USP10: variants seen among roughly 807,000 people sequenced by gnomAD.
The protein encoded by USP10 is ubiquitin carboxyl-terminal hydrolase 10.
A neutral mutation model predicts 84.5 loss-of-function variants in USP10; 22 were observed. That is an observed-to-expected ratio of 0.26 (90% confidence interval 0.19 to 0.37). The LOEUF (loss-of-function observed/expected upper bound fraction) is 0.37, where lower values mean the gene tolerates loss of function less well. USP10 is among the 10% of genes least tolerant of loss of function. USP10 has a pLI of 1.00. For missense variants in USP10, 1,019 were observed against 998.9 expected (o/e 1.02, Z -0.27); for synonymous variants, 454 against 387.6 (o/e 1.17, Z -2.01).
chr16:84,750,419 A>G (rs1911788064), intron 4 of USP10, among the ~76,000 whole-genome samples: 1 of 151,662 alleles, frequency 6.6e-6, no homozygotes, highest in Admixed American at 6.6e-5. Flanking sequence ...AAAAAAAAAA[A>G]AACCCAAAAC....
chr16:84,758,217 C>T (rs1179695700), intron 4 of USP10, among the ~76,000 whole-genome samples: 3 of 152,208 alleles, frequency 2.0e-5, no homozygotes, highest in Non-Finnish European at 4.4e-5. Context: ...TTTTTACTCA[C>T]TGAACAGCCA....
chr16:84,756,204 C>T, intron 4 of USP10, among the ~76,000 whole-genome samples: 1 of 152,048 alleles, frequency 6.6e-6, no homozygotes, highest in East Asian at 1.9e-4. Flanking sequence ...TAGGGCAGGA[C>T]CACCTTGCAT....
chr16:84,755,219 G>T (rs1438945376), intron 4 of USP10, among the ~76,000 whole-genome samples: 1 of 151,536 alleles, frequency 6.6e-6, no homozygotes, highest in Non-Finnish European at 1.5e-5. Context: ...GAATGAACAT[G>T]TTCAAGCCCC....
chr16:84,763,915 G>A (rs1044545330), intron 9 of USP10, among the ~76,000 whole-genome samples, 171 bp from the exon 10 acceptor site: 2 of 151,480 alleles, frequency 1.3e-5, no homozygotes, highest in Non-Finnish European at 2.9e-5. Context: ...TGCCTGTTGC[G>A]ATTGGCCGTG....
intron 1 of USP10, among the ~76,000 whole-genome samples, chr16:84,711,407 G>C (rs1310619111): frequency 6.6e-6 from 1 of 152,174 alleles, no homozygotes; most frequent in African/African-American, 2.4e-5. Flanking sequence ...TGATGTCCCA[G>C]AGAACTGGAA....
intron 10 of USP10, among the ~76,000 whole-genome samples, chr16:84,765,459 T>C (rs1913747336): frequency 6.7e-6 from 1 of 150,106 alleles, no homozygotes; most frequent in Non-Finnish European, 1.5e-5. Flanking sequence ...CTCTTTTCCC[T>C]ATCTCTGTAG....
chr16:84,733,416 C>G lies in USP10; in HGVS notation c.22-19C>G, dbSNP rs556407900. ...TTTGTATATTTTATGTGATCAGTGA[C>G]TCTCTTATTTTTTTTCAGTATATTT... On this transcript the variant is annotated intron_variant, in intron 1 of 13. Transcript: ENST00000219473. 98 of 1,556,478 alleles carry G rather than the reference C, an allele frequency of 6.3e-5. No individual in the cohort carries two copies. The South Asian group carries it at 1.1e-3, about 17-fold the overall frequency.
chr16:84,754,170 A>G (rs1230103209), intron 4 of USP10, among the ~76,000 whole-genome samples: 1 of 152,152 alleles, frequency 6.6e-6, no homozygotes, highest in African/African-American at 2.4e-5. Context: ...TACTGTGGAG[A>G]CAGTGTGGAG....
intron 13 of USP10, among the ~76,000 whole-genome samples, chr16:84,777,699 G>C (rs1915162663): frequency 6.6e-6 from 1 of 151,922 alleles, no homozygotes; most frequent in Non-Finnish European, 1.5e-5. Flanking sequence ...CAAGGTCCCT[G>C]GCCCAGAGAG....
chr16:84,734,075 A>G (rs1020791506), intron 2 of USP10, among the ~76,000 whole-genome samples: 6 of 151,984 alleles, frequency 3.9e-5, no homozygotes, highest in Non-Finnish European at 5.9e-5. Flanking sequence ...AAAATATTGC[A>G]CTCAATGTAT....
At chr16:84,742,461 A>G (rs1015336187) in intron 3 of USP10, among the ~76,000 whole-genome samples, 1 of 152,110 alleles carries the variant, frequency 6.6e-6, no homozygotes, top group African/African-American at 2.4e-5. Context: ...TGTGTCACTA[A>G]TCTCTGTATA....
In USP10 at chr16:84,738,386, C is replaced by T. The variant is rs115281405; in HGVS notation, c.91-1923C>T. Among the ~76,000 whole-genome samples the T allele has an allele frequency of 8.0e-3, 1,222 of 152,296 alleles. 11 individuals carry two copies. Among genetic ancestry groups the T allele is most frequent in the African/African-American group, 0.027 (1,143 of 41,574 alleles). On this transcript the variant is annotated intron_variant, in intron 2 of 13. Transcript: ENST00000219473. Reference sequence around the variant, plus strand: ...CTGTCACCAGGGGGCATCCTAGTGTCATTAACAGAAAAAGAGGGCATTCTA... The same window carrying T: ...CTGTCACCAGGGGGCATCCTAGTGTTATTAACAGAAAAAGAGGGCATTCTA...
intron 1 of USP10, among the ~76,000 whole-genome samples, chr16:84,731,384 A>G (rs1007204978): frequency 6.6e-6 from 1 of 151,978 alleles, no homozygotes; most frequent in African/African-American, 2.4e-5. Context: ...ACAAAACAGC[A>G]TGATTTTAGT....
chr16:84,748,336 C>A (rs1384899274), intron 4 of USP10, among the ~76,000 whole-genome samples: 1 of 151,970 alleles, frequency 6.6e-6, no homozygotes, highest in Admixed American at 6.6e-5. Context: ...GGGGGTCTCA[C>A]TCTGTCGCCC....
intron 9 of USP10, among the ~76,000 whole-genome samples, chr16:84,763,748 G>A (rs1913482957): frequency 6.6e-6 from 1 of 151,900 alleles, no homozygotes; most frequent in African/African-American, 2.4e-5. Context: ...CAGTGGCATT[G>A]CGCCTGTTGT....
chr16:84,777,009 C>T (rs1201951977), intron 13 of USP10, among the ~76,000 whole-genome samples: 2 of 152,184 alleles, frequency 1.3e-5, no homozygotes, highest in Non-Finnish European at 2.9e-5. Context: ...GACGAGGTTT[C>T]GCCCTTTTGG....
At chr16:84,763,146 G>GCATACT (rs1913404611) in intron 9 of USP10, 58 bp downstream of exon 9, 1 of 1,089,410 alleles carries the variant, frequency 9.2e-7, no homozygotes, top group African/African-American at 1.5e-5. Context: ...AACAGGTGTT[G>GCATACT]CATACTCATA....
At chr16:84,721,900 G>A (rs1907864717) in intron 1 of USP10, among the ~76,000 whole-genome samples, 1 of 152,228 alleles carries the variant, frequency 6.6e-6, no homozygotes, top group Non-Finnish European at 1.5e-5. Flanking sequence ...GTTTCACCGT[G>A]TTGCCTAGGC....
intron 1 of USP10, chr16:84,732,532 G>T (rs11863037): frequency 3.2e-5 from 12 of 370,932 alleles, no homozygotes; most frequent in Non-Finnish European, 5.3e-5. Context: ...CTGCAACCTC[G>T]GCCTCCCTGG....
Sources: allele counts gnomAD v4.1 joint callset (sites outside exome capture counted in the v4.1 genomes callset), GRCh38; gene constraint gnomAD v4.1.1; transcripts MANE v1.5; gene names NCBI Gene and HGNC (gene_info 2026-07-23, HGNC 2026-07-21).